MUC3A: variants seen among roughly 807,000 people sequenced by gnomAD.
The protein encoded by MUC3A is mucin 3A, cell surface associated, also known as mucin-3A.
MUC3A carries 109 observed loss-of-function variants against 109.0 expected under a neutral mutation model. That is an observed-to-expected ratio of 1.00 (90% CI 0.86 to 1.17). The LOEUF (loss-of-function observed/expected upper bound fraction) is 1.17, where lower values mean the gene tolerates loss of function less well. Ranked by LOEUF, MUC3A falls within the 50% of genes most tolerant of loss-of-function variation. The pLI is 0.00. For missense variants in MUC3A, 3,537 were observed against 2,469.4 expected (o/e 1.43, Z -9.16); for synonymous variants, 1,398 against 981.4 (o/e 1.42, Z -7.93).
rs756169289 is a variant in MUC3A, at chr7:100,960,833, A to G, written c.8948A>G (p.Gln2983Arg). Residue 2983 changes from glutamine to arginine, a missense_variant, in exon 3 of 12, where the codon CAG (glutamine) becomes CGG (arginine). Transcript: ENST00000379458. The stretch of plus-strand genomic sequence containing the variant: ...TTTTCTGGGGACCGCTGTCAGCTCC[A>G]GACCAGATGCCAGAATGGGGGTCAG... ...PGFSGDRCQL[Q>R]TRCQNGGQWD... 1 of 1,598,534 alleles carries G rather than the reference A, an allele frequency of 6.3e-7. No homozygotes were observed. Among genetic ancestry groups the G allele is most frequent in the East Asian group, 2.2e-5 (1 of 44,892 alleles).
chr7:100,967,514 G>C lies in MUC3A; in HGVS notation c.*352G>C. 1 of 506,992 alleles carries C rather than the reference G, an allele frequency of 2.0e-6. No individual in the cohort carries two copies. The allele number at this position is 506,992 out of a possible 1,614,324, so 31.4% of individuals were successfully genotyped here. A position where few individuals can be genotyped will look rare whatever the true frequency, so the allele number is the denominator to read the frequency against. On this transcript the variant is annotated 3_prime_UTR_variant, in exon 12 of 12. Coordinates refer to ENST00000379458, the MANE Select transcript of MUC3A (RefSeq NM_005960.2). ...ATTCTCGGTCCTACTCTGCCCTCCC[G>C]TCTCAGCCCTCGTGTTGCCATTGCC...
intron 3 of MUC3A, 76 bp from the exon 4 acceptor site, chr7:100,963,075 G>A: frequency 2.7e-6 from 4 of 1,503,202 alleles, no homozygotes; most frequent in Non-Finnish European, 3.6e-6. Flanking sequence ...GGAGCCTGTG[G>A]GTTGGGGTGG....
rs542305497 is a variant in MUC3A, at chr7:100,958,834, C to G, written c.7055C>G (p.Ser2352Cys). The G allele has an allele frequency of 1.6e-5, 24 of 1,543,968 alleles. No homozygotes were observed. The East Asian group carries it at 4.9e-4, about 31-fold the overall frequency. ...TSSITTTETN[S>C]HSTTSFTSSI... ...TCGATCACCACCACCGAGACCAACT[C>G]TCACAGTACTACCAGCTTCACTTCT... The change falls in exon 2 of 12, where the codon TCT becomes TGT. Residue 2352 changes from serine (S) to cysteine (C), a missense_variant. Physicochemically the swap from Ser to Cys is moderately radical, Grantham distance 112. Coordinates refer to ENST00000379458, the MANE Select transcript of MUC3A (RefSeq NM_005960.2).
At chr7:100,949,797 C>A in intron 1 of MUC3A, 112 bp downstream of exon 1, 1 of 1,085,222 alleles carries the variant, frequency 9.2e-7, no homozygotes, top group Non-Finnish European at 1.3e-6. Flanking sequence ...GAAGGCACCG[C>A]TTGGGGCTCT....
rs1024562898 is a variant in MUC3A, at chr7:100,956,735, C to T, written c.4956C>T (p.Ser1652=). The T allele has an allele frequency of 2.4e-6, 1 of 408,690 alleles. No individual in the cohort carries two copies. The highest frequency in any genetic ancestry group is 4.3e-6 in the Non-Finnish European group (1 of 233,132). The allele number at this position is 408,690 out of a possible 1,614,324, so 25.3% of individuals were successfully genotyped here. A position where few individuals can be genotyped will look rare whatever the true frequency, so the allele number is the denominator to read the frequency against. ...FTSTENTPTR[S]LLTSFPVTHS... is the part of the protein sequence containing the mutation. ...GTACTGAGAACACTCCAACAAGGTCCCTCCTGACAAGCTTTCCAGTGACAC... is the reference window on the plus strand; with the variant it reads ...GTACTGAGAACACTCCAACAAGGTCTCTCCTGACAAGCTTTCCAGTGACAC... The change falls in exon 2 of 12, where the codon TCC becomes TCT. Residue 1652 remains serine (S), a synonymous_variant. Transcript: ENST00000379458.
Position 100,959,743 on chromosome 7 carries a change from C to T in MUC3A, c.7964C>T (p.Thr2655Ile), listed in dbSNP as rs778857533. The T allele has an allele frequency of 1.3e-6, 2 of 1,598,474 alleles. No individual in the cohort carries two copies. The highest frequency in any genetic ancestry group is 1.7e-6 in the Non-Finnish European group (2 of 1,179,786). The change falls in exon 2 of 12, where the codon ACA becomes ATA. Residue 2655 changes from threonine to isoleucine, a missense_variant. Coordinates refer to ENST00000379458, the MANE Select transcript of MUC3A (RefSeq NM_005960.2). ...TCATTGCAAACTTCACTCACATCTA[C>T]AAGTGAGTTCACTACAGAATCTTTC... ...TPSLQTSLTS[T>I]SEFTTESFTR... is the part of the protein sequence containing the mutation.
chr7:100,963,596 T>C (rs1287817502), intron 4 of MUC3A, 92 bp from the exon 5 acceptor site: 1 of 1,584,302 alleles, frequency 6.3e-7, no homozygotes, highest in Non-Finnish European at 8.6e-7. Flanking sequence ...GGGAGGGGAA[T>C]TGAAGGGTCT....
chr7:100,953,048 T>A lies in MUC3A; in HGVS notation c.1269T>A (p.Pro423=). 1 of 1,472,126 alleles carries A rather than the reference T, an allele frequency of 6.8e-7. No homozygotes were observed. Among genetic ancestry groups the A allele is most frequent in the Non-Finnish European group, 9.4e-7 (1 of 1,064,904 alleles). The allele number at this position is 1,472,126 out of a possible 1,614,324, so 91.2% of individuals were successfully genotyped here. A position where few individuals can be genotyped will look rare whatever the true frequency, so the allele number is the denominator to read the frequency against. The change falls in exon 2 of 12, where the codon CCT becomes CCA. Residue 423 remains proline (P), a synonymous_variant. Transcript: ENST00000379458. ...CAACTGCCATCTCCTCACTTCCCCC[T>A]ACCTCAGGTACTATGGTGACTTCCA... ...TSTTAISSLP[P]TSGTMVTSTT... is the part of the protein sequence containing the mutation.
Position 100,956,512 on chromosome 7 carries a change from C to T in MUC3A, c.4733C>T (p.Thr1578Ile), listed in dbSNP as rs1584802175. 1 of 479,162 alleles carries T rather than the reference C, an allele frequency of 2.1e-6. No individual in the cohort carries two copies. The highest frequency in any genetic ancestry group is 3.3e-5 in the East Asian group (1 of 30,176). 29.7% of individuals were successfully genotyped at this position (479,162 alleles called of 1,614,324 possible). A position where few individuals can be genotyped will look rare whatever the true frequency, so the allele number is the denominator to read the frequency against. ...STGIPTSQPT[T>I]ITPSSVGISG... Reference sequence around the variant, plus strand: ...GGTATCCCTACCTCACAACCAACAACTATTACTCCCTCATCCGTGGGCATC... The same window carrying T: ...GGTATCCCTACCTCACAACCAACAATTATTACTCCCTCATCCGTGGGCATC... Residue 1578 changes from threonine to isoleucine, a missense_variant, in exon 2 of 12, where the codon ACT (threonine) becomes ATT (isoleucine). Thr to Ile is a moderately conservative substitution (Grantham distance 89). Coordinates refer to ENST00000379458, the MANE Select transcript of MUC3A (RefSeq NM_005960.2).
rs771563771 is a variant in MUC3A at position 100,966,364 on chromosome 7, C to G, written c.9612-22C>G. Reference sequence around the variant, plus strand: ...CCCCGAGCCCGGAGGTGAAGAGGGTCTGACCCTGCGATCTCCCGCAGCTGC... The same window carrying G: ...CCCCGAGCCCGGAGGTGAAGAGGGTGTGACCCTGCGATCTCCCGCAGCTGC... On this transcript the variant is annotated intron_variant, in intron 8 of 11. Transcript: ENST00000379458. The G allele has an allele frequency of 3.9e-5, 52 of 1,320,594 alleles. No individual in the cohort carries two copies. The African/African-American group carries it at 7.4e-4, about 19-fold the overall frequency. 81.8% of individuals were successfully genotyped at this position (1,320,594 alleles called of 1,614,324 possible). A position where few individuals can be genotyped will look rare whatever the true frequency, so the allele number is the denominator to read the frequency against.
chr7:100,965,122 G>A (rs1563075167), intron 6 of MUC3A, 160 bp from the exon 7 acceptor site: 2 of 1,179,082 alleles, frequency 1.7e-6, no homozygotes, highest in Non-Finnish European at 2.4e-6. Flanking sequence ...CAGGCAACAG[G>A]AGTCTTCGCC....
At position 100,963,305 on chromosome 7, in the gene MUC3A, A is replaced by G. The variant is rs535885200; in HGVS notation, c.9168+39A>G. 1,301 of 1,092,938 alleles carry G rather than the reference A, an allele frequency of 1.2e-3. 2 individuals carry two copies. The African/African-American group carries it at 0.04, about 34-fold the overall frequency. 67.7% of individuals were successfully genotyped at this position (1,092,938 alleles called of 1,614,324 possible). On this transcript the variant is annotated intron_variant, in intron 4 of 11. Coordinates refer to ENST00000379458, the MANE Select transcript of MUC3A (RefSeq NM_005960.2). Reference sequence around the variant, plus strand: ...AGAGGGGATTTTTTTTTTTTTTTTGAGGTGTAGTCTCGCACTCTCACCCTG... The same window carrying G: ...AGAGGGGATTTTTTTTTTTTTTTTGGGGTGTAGTCTCGCACTCTCACCCTG...
At chr7:100,962,231 C>CA (rs1171031869) in intron 3 of MUC3A, among the ~76,000 whole-genome samples, 196 of 15,026 alleles carry the variant, frequency 0.013, 59 homozygotes, top group South Asian at 0.015. Flanking sequence ...GACTCCGTCT[C>CA]AAAAAAAAAA....
In MUC3A at chr7:100,953,105, C is replaced by T. The variant is rs993590379; in HGVS notation, c.1326C>T (p.Asp442=). Residue 442 remains aspartate, a synonymous_variant, in exon 2 of 12, where the codon GAC becomes GAT. Transcript: ENST00000379458. The part of the protein sequence containing the change: ...TTMTPSSLST[D]IPFTTPTTIT... ...TGACCCCATCTTCTCTGAGTACAGA[C>T]ATCCCTTTCACAACACCAACAACTA... 46 of 916,676 alleles carry T rather than the reference C, an allele frequency of 5.0e-5. No homozygotes were observed. In the South Asian group the frequency reaches 5.8e-4, roughly 12 times the overall value. The allele number at this position is 916,676 out of a possible 1,614,324, so 56.8% of individuals were successfully genotyped here.
At chr7:100,964,096 A>T in intron 5 of MUC3A, 1 of 477,748 alleles carries the variant, frequency 2.1e-6, no homozygotes, top group Non-Finnish European at 3.8e-6. Flanking sequence ...AGAGGGAGAG[A>T]ACGCACGTCT....
chr7:100,957,791 C>T lies in MUC3A; in HGVS notation c.6012C>T (p.His2004=). ...TCACCACAACCACCACCACCTCACA[C>T]AGTACTCCCAGCTTCACTTCTTCCA... is the stretch of plus-strand genomic sequence containing the variant. ...SLITTTTTTS[H]STPSFTSSIT... is the part of the protein sequence containing the mutation. Residue 2004 remains histidine (H), a synonymous_variant, in exon 2 of 12, where the codon CAC becomes CAT. Transcript: ENST00000379458. The T allele has an allele frequency of 8.7e-7, 1 of 1,152,098 alleles. No individual in the cohort carries two copies. Among genetic ancestry groups the T allele is most frequent in the South Asian group, 1.2e-5 (1 of 80,898 alleles). The allele number at this position is 1,152,098 out of a possible 1,614,324, so 71.4% of individuals were successfully genotyped here. A position where few individuals can be genotyped will look rare whatever the true frequency, so the allele number is the denominator to read the frequency against.
At position 100,966,879 on chromosome 7, in the gene MUC3A, C is replaced by A. The variant is rs768617264; in HGVS notation, c.9878-20C>A. 6.3e-7 allele frequency: 1 copy of A among 1,598,518 alleles called. No individual in the cohort carries two copies. Among genetic ancestry groups the A allele is most frequent in the South Asian group, 1.1e-5 (1 of 91,088 alleles). ...CCCCTCCCTCTCCCCTTCTCTTTCT[C>A]CGCTCCTCTCTCTCTCTAGACAAGG... On this transcript the variant is annotated intron_variant, in intron 10 of 11. Coordinates refer to ENST00000379458, the MANE Select transcript of MUC3A (RefSeq NM_005960.2).
intron 3 of MUC3A, 49 bp downstream of exon 3, chr7:100,960,986 C>T: frequency 6.3e-7 from 1 of 1,598,228 alleles, no homozygotes; most frequent in Non-Finnish European, 8.5e-7. Flanking sequence ...CAGGGTGTCA[C>T]TGACTCTCCC....
chr7:100,965,389 G>A (rs1385081011), intron 7 of MUC3A, 42 bp downstream of exon 7: 1 of 1,581,948 alleles, frequency 6.3e-7, no homozygotes, highest in Non-Finnish European at 8.5e-7. Flanking sequence ...CCGCGGCTAT[G>A]ATCCGGGCTA....
Sources: allele counts gnomAD v4.1 joint callset (sites outside exome capture counted in the v4.1 genomes callset), GRCh38; gene constraint gnomAD v4.1.1; transcripts MANE v1.5; gene names NCBI Gene and HGNC (gene_info 2026-07-23, HGNC 2026-07-21).